Variants in RAB6A observed in about 807,000 individuals in gnomAD.
RAB6A encodes RAB6A, member RAS oncogene family.
Under a neutral mutation model 32.3 loss-of-function variants are expected in RAB6A, and 8 were observed. The ratio of observed to expected loss-of-function variants is 0.25; its 90% CI spans 0.15 to 0.45. RAB6A has a LOEUF of 0.45. RAB6A is among the 20% of genes least tolerant of loss of function. The probability of loss-of-function intolerance (pLI) is 1.00; values close to 1 mark genes in which losing one functional copy is unlikely to be tolerated. For synonymous variants in RAB6A, 73 were observed against 82.1 expected (o/e 0.89, Z 0.60); for missense variants, 104 against 249.4 (o/e 0.42, Z 3.93).
intron 1 of RAB6A, among the ~76,000 whole-genome samples, chr11:73,737,974 A>G (rs4944863): frequency 0.91 from 129,405 of 141,572 alleles, 59,343 homozygotes; most frequent in East Asian, 1. Context: ...CAGCCTGGGC[A>G]ACAGAGGGAG....
chr11:73,744,021 A>G (rs1032925514), intron 1 of RAB6A, among the ~76,000 whole-genome samples: 5 of 152,068 alleles, frequency 3.3e-5, no homozygotes, highest in Admixed American at 6.6e-5. Context: ...CATGGACAAC[A>G]TGGCAAGACC....
At chr11:73,709,654 C>T (rs1462781440) in intron 5 of RAB6A, among the ~76,000 whole-genome samples, 1 of 149,788 alleles carries the variant, frequency 6.7e-6, no homozygotes, top group Non-Finnish European at 1.5e-5. Context: ...CATTTTCTGG[C>T]CCAGATGCCT....
intron 1 of RAB6A, among the ~76,000 whole-genome samples, chr11:73,735,640 T>TA (rs1435115233): frequency 5.3e-5 from 8 of 152,160 alleles, no homozygotes; most frequent in Non-Finnish European, 1.2e-4. Flanking sequence ...CCATGAGTAT[T>TA]AGAGAGCTAA....
intron 5 of RAB6A, among the ~76,000 whole-genome samples, chr11:73,713,939 C>A (rs1445875588): frequency 6.6e-6 from 1 of 151,822 alleles, no homozygotes; most frequent in African/African-American, 2.4e-5. Context: ...GCCTGCAATC[C>A]CAACACTTTG....
intron 6 of RAB6A, among the ~76,000 whole-genome samples, chr11:73,685,268 A>G (rs1315911814): frequency 6.8e-6 from 1 of 148,132 alleles, no homozygotes; most frequent in Non-Finnish European, 1.5e-5. Context: ...TTTAGTACTG[A>G]CCTGCTATAT....
intron 6 of RAB6A, among the ~76,000 whole-genome samples, chr11:73,680,866 T>C (rs1486803169): frequency 6.6e-6 from 1 of 152,154 alleles, no homozygotes; most frequent in African/African-American, 2.4e-5. Flanking sequence ...TATGAAGCTA[T>C]GAAAAGTTAT....
intron 1 of RAB6A, among the ~76,000 whole-genome samples, chr11:73,741,175 C>A (rs568468198): frequency 6.6e-6 from 1 of 151,544 alleles, no homozygotes; most frequent in East Asian, 2.0e-4. Context: ...CTTGCTCTGT[C>A]GCCCAGGCTG....
At chr11:73,709,535 T>C (rs1945907684) in intron 5 of RAB6A, among the ~76,000 whole-genome samples, 1 of 149,444 alleles carries the variant, frequency 6.7e-6, no homozygotes, top group South Asian at 2.1e-4. Context: ...TTCCTACAGT[T>C]TGACCAGTAG....
At position 73,731,725 on chromosome 11, in the gene RAB6A, TATATATACACAC is replaced by T. The variant is rs1427511186; in HGVS notation, c.71-914_71-903del. On this transcript the variant is annotated intron_variant, in intron 1 of 7. Coordinates refer to ENST00000336083, the MANE Select transcript of RAB6A (RefSeq NM_198896.2). Reference sequence around the variant, plus strand: ...ATATATATATATATATATATATATATATATATACACACACACACACATATTTTCTTTTTTTTT... The same window carrying T: ...ATATATATATATATATATATATATATACACACACATATTTTCTTTTTTTTT... 9.9e-3 allele frequency among the ~76,000 whole-genome samples: 86 copies of T among 8,718 alleles called. 3 individuals are homozygous for T. Among genetic ancestry groups the T allele is most frequent in the East Asian group, 0.065 (12 of 186 alleles). 5.7% of individuals were successfully genotyped at this position (8,718 alleles called of 152,430 possible).
At chr11:73,728,366 C>T (rs2134967713) in intron 2 of RAB6A, among the ~76,000 whole-genome samples, 1 of 152,202 alleles carries the variant, frequency 6.6e-6, no homozygotes, top group Admixed American at 6.5e-5. Context: ...TGAAACGCTG[C>T]TGGATTTTGT....
At chr11:73,722,358 T>C (rs1215203671) in intron 2 of RAB6A, 1 of 115,928 alleles carries the variant, frequency 8.6e-6, no homozygotes, top group Admixed American at 9.0e-5. Flanking sequence ...TTTTTTTTTT[T>C]TTTTTTTTTG....
chr11:73,720,172 A>G (rs1165357169), intron 3 of RAB6A, among the ~76,000 whole-genome samples: 1 of 143,410 alleles, frequency 7.0e-6, no homozygotes, highest in Non-Finnish European at 1.5e-5. Context: ...ACAAATAAAT[A>G]CACATTACTT....
At chr11:73,678,478 A>G (rs908424556) in intron 7 of RAB6A, among the ~76,000 whole-genome samples, 2 of 151,682 alleles carry the variant, frequency 1.3e-5, no homozygotes, top group Non-Finnish European at 2.9e-5. Flanking sequence ...TTAGCTGGGC[A>G]TGGTGGCTCA....
intron 5 of RAB6A, among the ~76,000 whole-genome samples, chr11:73,715,342 T>A (rs1384094637): frequency 1.3e-5 from 2 of 152,170 alleles, no homozygotes; most frequent in African/African-American, 4.8e-5. Flanking sequence ...GCCAGGCTGG[T>A]CTTGAACTCC....
rs544818668 is a variant in RAB6A at position 73,760,629 on chromosome 11, T to G, written c.7A>C (p.Thr3Pro). Residue 3 changes from threonine (T) to proline (P), a missense_variant, in exon 1 of 8, where the codon ACG (threonine) becomes CCG (proline). By Grantham distance (38) the Thr-to-Pro change is conservative. Coordinates refer to ENST00000336083, the MANE Select transcript of RAB6A (RefSeq NM_198896.2). ...AGCGGATTCCCGAAGTCTCCGCCCG[T>G]GGACATTGTGGAACTAGAGGAGCGG... MS[T>P]GGDFGNPLRK... 5.6e-6 allele frequency: 9 copies of G among 1,609,900 alleles called. No homozygotes were observed. Among genetic ancestry groups the G allele is most frequent in the South Asian group, 1.1e-5 (1 of 90,304 alleles).
At chr11:73,739,284 A>AAAAATAT (rs1208877325) in intron 1 of RAB6A, among the ~76,000 whole-genome samples, 14 of 6,750 alleles carry the variant, frequency 2.1e-3, no homozygotes, top group East Asian at 0.025. Flanking sequence ...AAAAAAAAAA[A>AAAAATAT]ATATATATAT....
At chr11:73,699,807 C>T (rs984771714) in intron 6 of RAB6A, among the ~76,000 whole-genome samples, 6 of 152,078 alleles carry the variant, frequency 3.9e-5, no homozygotes, top group African/African-American at 1.4e-4. Context: ...TGACAAAAGC[C>T]CAAGATTAAC....
intron 6 of RAB6A, among the ~76,000 whole-genome samples, chr11:73,697,429 C>A (rs1590836892): frequency 1.3e-5 from 2 of 152,194 alleles, no homozygotes; most frequent in Admixed American, 1.3e-4. Flanking sequence ...CTCACTGCAA[C>A]CTCCACCACC....
intron 4 of RAB6A, among the ~76,000 whole-genome samples, chr11:73,716,612 G>C (rs1311476341): frequency 6.6e-6 from 1 of 151,930 alleles, no homozygotes; most frequent in Non-Finnish European, 1.5e-5. Context: ...ATGATCAAAT[G>C]AGTACAATGT....
Sources: allele counts gnomAD v4.1 joint callset (sites outside exome capture counted in the v4.1 genomes callset), GRCh38; gene constraint gnomAD v4.1.1; transcripts MANE v1.5; gene names NCBI Gene and HGNC (gene_info 2026-07-23, HGNC 2026-07-21).